OPCML: variants seen among roughly 807,000 people sequenced by gnomAD.
The protein encoded by OPCML is opioid binding protein/cell adhesion molecule like.
In OPCML, 13 loss-of-function variants were observed where a neutral mutation model predicts 37.8. That is an observed-to-expected ratio of 0.34 (90% CI 0.22 to 0.55). OPCML has a LOEUF of 0.55. Ranked by LOEUF, OPCML falls within the 20% of genes least tolerant of loss-of-function variation. The probability of loss-of-function intolerance (pLI) is 0.91; values close to 1 mark genes in which losing one functional copy is unlikely to be tolerated. For missense variants in OPCML, 341 were observed against 435.6 expected (o/e 0.78, Z 1.93); for synonymous variants, 176 against 168.8 (o/e 1.04, Z -0.33).
intron 2 of OPCML, among the ~76,000 whole-genome samples, chr11:132,740,809 C>G (rs918891274): frequency 6.6e-6 from 1 of 152,160 alleles, no homozygotes; most frequent in African/African-American, 2.4e-5. Context: ...AACCAGAGAT[C>G]TGTATTTATT....
intron 2 of OPCML, among the ~76,000 whole-genome samples, chr11:132,725,492 A>G (rs1944845896): frequency 6.6e-6 from 1 of 152,148 alleles, no homozygotes; most frequent in Admixed American, 6.5e-5. Context: ...TGTGCTGGAG[A>G]ACATTTTCCC....
At chr11:133,196,389 C>T (rs1033994647) in intron 1 of OPCML, among the ~76,000 whole-genome samples, 1 of 152,200 alleles carries the variant, frequency 6.6e-6, no homozygotes, top group African/African-American at 2.4e-5. Flanking sequence ...CCACCCTCCA[C>T]CCAGCGATCC....
chr11:132,687,164 T>A (rs1373732459), intron 2 of OPCML, among the ~76,000 whole-genome samples: 1 of 151,778 alleles, frequency 6.6e-6, no homozygotes, highest in Non-Finnish European at 1.5e-5. Context: ...TGTTACTCTC[T>A]CATATGTATT....
intron 2 of OPCML, among the ~76,000 whole-genome samples, chr11:132,745,695 G>T (rs1342685550): frequency 1.3e-5 from 2 of 152,052 alleles, no homozygotes; most frequent in Non-Finnish European, 2.9e-5. Flanking sequence ...TGGAGGTGGT[G>T]CAGCCTCCAG....
intron 2 of OPCML, among the ~76,000 whole-genome samples, chr11:132,880,002 C>T (rs193283341): frequency 2.3e-4 from 35 of 152,298 alleles, no homozygotes; most frequent in African/African-American, 8.4e-4. Context: ...CCCCCAGCCC[C>T]AGAGGTGTAA....
At chr11:132,482,386 A>T (rs11223088) in intron 4 of OPCML, among the ~76,000 whole-genome samples, 4,520 of 150,226 alleles carry the variant, frequency 0.03, 233 homozygotes, top group African/African-American at 0.1. Flanking sequence ...GTTGAATCTC[A>T]GAATAGACCA....
chr11:132,578,427 GA>G (rs2096455596), intron 3 of OPCML, among the ~76,000 whole-genome samples: 1 of 152,136 alleles, frequency 6.6e-6, no homozygotes, highest in Non-Finnish European at 1.5e-5. Context: ...GCAAAAAATT[GA>G]AAAATAAAAA....
rs1038223596 is a variant in OPCML, at chr11:133,205,109, T to C, written c.62-262099A>G. On this transcript the variant is annotated intron_variant, in intron 1 of 7. Transcript: ENST00000524381. The surrounding 1 kb of genome is among the most constrained non-coding windows in gnomAD (Gnocchi z 4.8). ...ATAATTGGAACTTTCTGTCCCACCCTCTTCTTCCTGGGAGGGGAGATGAGG... is the reference window on the plus strand; with the variant it reads ...ATAATTGGAACTTTCTGTCCCACCCCCTTCTTCCTGGGAGGGGAGATGAGG... 5.3e-5 allele frequency among the ~76,000 whole-genome samples: 8 copies of C among 151,832 alleles called. No individual in the cohort carries two copies. The highest frequency in any genetic ancestry group is 1.0e-4 in the Non-Finnish European group (7 of 67,966).
At chr11:132,840,595 C>G (rs1941244472) in intron 2 of OPCML, among the ~76,000 whole-genome samples, 1 of 152,206 alleles carries the variant, frequency 6.6e-6, no homozygotes, top group South Asian at 2.1e-4. Flanking sequence ...TTTAACATCC[C>G]TAAACCTCAT....
intron 2 of OPCML, among the ~76,000 whole-genome samples, chr11:132,729,221 C>A (rs1320988002): frequency 6.6e-6 from 1 of 152,146 alleles, no homozygotes; most frequent in Non-Finnish European, 1.5e-5. Flanking sequence ...TTTTATTTAA[C>A]AACATCCTTG....
At chr11:133,405,370 G>A (rs760225283) in intron 1 of OPCML, among the ~76,000 whole-genome samples, 14 of 152,160 alleles carry the variant, frequency 9.2e-5, no homozygotes, top group Non-Finnish European at 1.3e-4. Flanking sequence ...GCTCCTTCTC[G>A]AATGCCCACA....
At chr11:133,348,006 T>C (rs1304079466) in intron 1 of OPCML, among the ~76,000 whole-genome samples, 1 of 152,136 alleles carries the variant, frequency 6.6e-6, no homozygotes, top group African/African-American at 2.4e-5. Context: ...CAAAAAATGC[T>C]ACCCTGTTAC....
intron 1 of OPCML, among the ~76,000 whole-genome samples, chr11:133,259,908 C>T (rs1941437406): frequency 6.6e-6 from 1 of 152,150 alleles, no homozygotes; most frequent in Admixed American, 6.5e-5. Context: ...GTGAACATAA[C>T]AGACAACGTC....
Position 132,495,527 on chromosome 11 carries a change from G to C in OPCML, c.505+33534C>G, listed in dbSNP as rs192173215. Among the ~76,000 whole-genome samples, 451 of 152,260 alleles carry C rather than the reference G, an allele frequency of 3.0e-3. 2 individuals are homozygous for C. Among genetic ancestry groups the C allele is most frequent in the African/African-American group, 0.01 (421 of 41,542 alleles). ...GTTTCACATACCCACATTTTGCAAG[G>C]ATACCCTCACACAGGACTGTAAAAT... is the stretch of plus-strand genomic sequence containing the variant. On this transcript the variant is annotated intron_variant, in intron 4 of 7. Coordinates refer to ENST00000524381, the MANE Select transcript of OPCML (RefSeq NM_001012393.5).
At chr11:132,749,108 TAA>T (rs1266711466) in intron 2 of OPCML, among the ~76,000 whole-genome samples, 1 of 152,126 alleles carries the variant, frequency 6.6e-6, no homozygotes, top group Non-Finnish European at 1.5e-5. Flanking sequence ...TGTGTCCTTA[TAA>T]AAGAGACCCC....
chr11:133,019,709 C>G (rs1167116856), intron 1 of OPCML, among the ~76,000 whole-genome samples: 5 of 152,146 alleles, frequency 3.3e-5, no homozygotes, highest in East Asian at 3.9e-4. Context: ...GGGCACTGGG[C>G]AGAGTACCAT....
At chr11:133,485,564 T>C (rs1947508711) in intron 1 of OPCML, among the ~76,000 whole-genome samples, 1 of 152,166 alleles carries the variant, frequency 6.6e-6, no homozygotes, top group South Asian at 2.1e-4. Context: ...AGTCCTCTCA[T>C]ATAAATACCC....
At chr11:132,598,122 G>A (rs2096495340) in intron 3 of OPCML, among the ~76,000 whole-genome samples, 1 of 152,034 alleles carries the variant, frequency 6.6e-6, no homozygotes, top group African/African-American at 2.4e-5. Context: ...CAGGCATTGT[G>A]GGAGGGGCGT....
At chr11:133,316,712 T>G (rs569465443) in intron 1 of OPCML, among the ~76,000 whole-genome samples, 12 of 152,376 alleles carry the variant, frequency 7.9e-5, no homozygotes, top group African/African-American at 2.9e-4. Flanking sequence ...TTTTTGGTTT[T>G]GTTTGTGTTA....
Sources: gnomAD v4.1 joint callset for allele counts (sites outside exome capture counted in the v4.1 genomes callset) on GRCh38, gnomAD v4.1.1 for gene constraint, Gnocchi (gnomAD v3.1) non-coding constraint, MANE v1.5 for transcripts, NCBI Gene and HGNC (gene_info 2026-07-23, HGNC 2026-07-21) for gene names.